SEMA6A: variants seen among roughly 807,000 people sequenced by gnomAD.
SEMA6A encodes semaphorin 6A.
SEMA6A carries 25 observed loss-of-function variants against 96.8 expected under a neutral mutation model. The ratio of observed to expected loss-of-function variants is 0.26; its 90% CI spans 0.19 to 0.36. SEMA6A has a LOEUF of 0.36. Ranked by LOEUF, SEMA6A falls within the 10% of genes least tolerant of loss-of-function variation. The pLI is 1.00. For synonymous variants in SEMA6A, 612 were observed against 518.0 expected (o/e 1.18, Z -2.46); for missense variants, 1,363 against 1,323.1 (o/e 1.03, Z -0.47).
intron 1 of SEMA6A, among the ~76,000 whole-genome samples, chr5:116,549,040 A>T (rs1337610300): frequency 6.6e-6 from 1 of 152,230 alleles, no homozygotes. Context: ...TGATGAATCA[A>T]CGAAAAATAC....
intron 1 of SEMA6A, among the ~76,000 whole-genome samples, chr5:116,531,396 G>A (rs951245237): frequency 9.2e-5 from 14 of 152,232 alleles, no homozygotes; most frequent in East Asian, 5.8e-4. Context: ...TCTGAGGCAC[G>A]TGGAGCCCTC....
At chr5:116,480,349 G>T in intron 11 of SEMA6A, 72 bp from the exon 12 acceptor site, 1 of 1,555,550 alleles carries the variant, frequency 6.4e-7, no homozygotes, top group Non-Finnish European at 8.8e-7. Context: ...TGAATGAACT[G>T]CTTCTCTAAG....
chr5:116,472,981 A>G, intron 17 of SEMA6A, 92 bp downstream of exon 17: 1 of 1,517,662 alleles, frequency 6.6e-7, no homozygotes, highest in Non-Finnish European at 8.8e-7. Flanking sequence ...AAAGAAACTT[A>G]AGATTTGAAC....
chr5:116,481,491 A>C (rs1239975748), intron 11 of SEMA6A, among the ~76,000 whole-genome samples: 1 of 152,184 alleles, frequency 6.6e-6, no homozygotes, highest in Non-Finnish European at 1.5e-5. Flanking sequence ...CTCTGGGTTT[A>C]AGTGGTTCGT....
At chr5:116,456,830 A>C (rs1755038904) in intron 18 of SEMA6A, among the ~76,000 whole-genome samples, 1 of 152,170 alleles carries the variant, frequency 6.6e-6, no homozygotes, top group Admixed American at 6.6e-5. Context: ...ATCATCTCAA[A>C]ACCCACTCCC....
chr5:116,526,771 C>T (rs1299257295), intron 1 of SEMA6A, among the ~76,000 whole-genome samples: 1 of 152,080 alleles, frequency 6.6e-6, no homozygotes, highest in Non-Finnish European at 1.5e-5. Context: ...TATATACACG[C>T]CCAGGTAACG....
intron 18 of SEMA6A, among the ~76,000 whole-genome samples, chr5:116,453,191 C>G (rs1580443450): frequency 1.3e-5 from 2 of 152,064 alleles, no homozygotes; most frequent in Non-Finnish European, 2.9e-5. Context: ...CATGAGCCAC[C>G]CTTCCATACT....
intron 1 of SEMA6A, among the ~76,000 whole-genome samples, chr5:116,564,398 G>A (rs542265449): frequency 6.6e-6 from 1 of 152,312 alleles, no homozygotes; most frequent in South Asian, 2.1e-4. Context: ...CTTCCAGTGT[G>A]AGATTATTTT....
chr5:116,449,464 G>A (rs1331256867), intron 18 of SEMA6A: 5 of 655,460 alleles, frequency 7.6e-6, no homozygotes, highest in Middle Eastern at 2.4e-4. Context: ...CCCACAACAC[G>A]CAACCTTAAA....
chr5:116,486,927 TATC>T lies in SEMA6A; in HGVS notation c.781_783del (p.Asp261del). 1 of 1,613,760 alleles carries T rather than the reference TATC, an allele frequency of 6.2e-7. No homozygotes were observed. ...TCCAGGACTCTTTGAGATCCTCCCA[TATC>T]ATTCTTACAAACCTGAGCCACTCTT... On this transcript the variant is annotated inframe_deletion, in exon 10 of 19. Coordinates refer to ENST00000343348, the MANE Select transcript of SEMA6A (RefSeq NM_020796.5).
chr5:116,512,191 A>T (rs183436502), intron 1 of SEMA6A, among the ~76,000 whole-genome samples: 1 of 152,208 alleles, frequency 6.6e-6, no homozygotes, highest in Middle Eastern at 3.2e-3. Flanking sequence ...AACACATCCC[A>T]TCGTAATTAG....
chr5:116,568,821 TACAC>T (rs10531207), intron 1 of SEMA6A, among the ~76,000 whole-genome samples: 31,978 of 150,308 alleles, frequency 0.21, 3,367 homozygotes, highest in Admixed American at 0.23. Context: ...TGGAAGATTG[TACAC>T]ACACACACAC....
At chr5:116,564,907 CAT>C (rs1760968334) in intron 1 of SEMA6A, among the ~76,000 whole-genome samples, 1 of 152,200 alleles carries the variant, frequency 6.6e-6, no homozygotes, top group Non-Finnish European at 1.5e-5. Flanking sequence ...TAAAGCTCTA[CAT>C]GTTTCCATTG....
Position 116,486,756 on chromosome 5 carries a change from A to C in SEMA6A, c.955T>G (p.Tyr319Asp), listed in dbSNP as rs896748044. ...CAGCTAGGGCATGATTACCTGTTAT[A>C]AGGTGTAGAAAACGTTGCCAGGACA... ...DVVLATFSTP[Y>D]NSIPGSAVCA... is the part of the protein sequence containing the mutation. Residue 319 changes from tyrosine to aspartate, a missense_variant, in exon 10 of 19, where the codon TAT (tyrosine) becomes GAT (aspartate). By Grantham distance (160) the Tyr-to-Asp change is radical. This residue lies in a region of SEMA6A where 480 missense variants were observed against 559.5 expected (regional missense o/e 0.86). Coordinates refer to ENST00000343348, the MANE Select transcript of SEMA6A (RefSeq NM_020796.5). 1 of 1,612,996 alleles carries C rather than the reference A, an allele frequency of 6.2e-7. No homozygotes were observed. Among genetic ancestry groups the C allele is most frequent in the African/African-American group, 1.3e-5 (1 of 74,894 alleles).
chr5:116,499,386 G>A (rs1757762328), intron 3 of SEMA6A, among the ~76,000 whole-genome samples: 1 of 131,960 alleles, frequency 7.6e-6, no homozygotes, highest in Non-Finnish European at 1.5e-5. Context: ...ACTGAATTGT[G>A]TTGCCATGGC....
At chr5:116,559,498 C>CATTTTA (rs1760732613) in intron 1 of SEMA6A, among the ~76,000 whole-genome samples, 1 of 152,074 alleles carries the variant, frequency 6.6e-6, no homozygotes, top group African/African-American at 2.4e-5. Flanking sequence ...GGGCTGACGC[C>CATTTTA]GTTTTAGGCC....
At chr5:116,453,431 A>C (rs796530550) in intron 18 of SEMA6A, among the ~76,000 whole-genome samples, 10 of 152,332 alleles carry the variant, frequency 6.6e-5, no homozygotes, top group African/African-American at 2.2e-4. Context: ...TAGACTGCTA[A>C]AACTCACCAC....
chr5:116,480,091 T>C, intron 12 of SEMA6A, 31 bp downstream of exon 12: 1 of 1,609,076 alleles, frequency 6.2e-7, no homozygotes, highest in Non-Finnish European at 8.5e-7. Flanking sequence ...AGTTAGGAAA[T>C]CCATCAGGAC....
intron 1 of SEMA6A, among the ~76,000 whole-genome samples, chr5:116,573,406 G>A (rs13355107): frequency 0.088 from 13,263 of 151,454 alleles, 1,995 homozygotes; most frequent in African/African-American, 0.3. Flanking sequence ...GGACGCAGCC[G>A]CGACGGGCTA....
Sources: allele counts gnomAD v4.1 joint callset (sites outside exome capture counted in the v4.1 genomes callset), GRCh38; gene constraint gnomAD v4.1.1; regional missense constraint gnomAD v4.1.1; transcripts MANE v1.5; gene names NCBI Gene and HGNC (gene_info 2026-07-23, HGNC 2026-07-21).